Variants in PLEKHG1 observed in about 807,000 individuals in gnomAD.
The protein encoded by PLEKHG1 is pleckstrin homology and RhoGEF domain containing G1, also known as pleckstrin homology domain-containing family G member 1.
A neutral mutation model predicts 100.8 loss-of-function variants in PLEKHG1; 44 were observed. The ratio of observed to expected loss-of-function variants is 0.44; its 90% CI spans 0.34 to 0.56. PLEKHG1 has a LOEUF of 0.56. PLEKHG1 is among the 20% of genes least tolerant of loss of function. PLEKHG1 has a pLI of 0.01. For synonymous variants in PLEKHG1, 640 were observed against 662.5 expected, an observed-to-expected ratio of 0.97 and a Z score of 0.52; for missense variants, 1,545 against 1,720.9, an observed-to-expected ratio of 0.90 and a Z score of 1.81.
intron 10 of PLEKHG1, among the ~76,000 whole-genome samples, chr6:150,813,840 G>C (rs185052346): frequency 6.6e-6 from 1 of 152,124 alleles, no homozygotes; most frequent in African/African-American, 2.4e-5. Flanking sequence ...GAACTAGGGT[G>C]GTGGGTGGAT....
chr6:150,638,842 T>C (rs1442343473), intron 2 of PLEKHG1, among the ~76,000 whole-genome samples: 1 of 152,238 alleles, frequency 6.6e-6, no homozygotes, highest in Non-Finnish European at 1.5e-5. Flanking sequence ...GGAATAGAAT[T>C]ATATAACCTG....
At chr6:150,776,402 CA>C (rs1562508294) in intron 3 of PLEKHG1, among the ~76,000 whole-genome samples, 49 of 149,910 alleles carry the variant, frequency 3.3e-4, no homozygotes, top group African/African-American at 1.1e-3. Flanking sequence ...TGCACATGTG[CA>C]GTTGCACATT....
At chr6:150,705,709 G>A (rs1001594891) in intron 3 of PLEKHG1, among the ~76,000 whole-genome samples, 6 of 152,088 alleles carry the variant, frequency 3.9e-5, no homozygotes, top group African/African-American at 7.2e-5. Flanking sequence ...TTTCTATCCC[G>A]CTCACCCACT....
At chr6:150,813,056 A>C (rs1471663278) in intron 10 of PLEKHG1, among the ~76,000 whole-genome samples, 3 of 152,172 alleles carry the variant, frequency 2.0e-5, no homozygotes, top group African/African-American at 7.2e-5. Flanking sequence ...CTGTAATCCC[A>C]GCACTTTGGG....
At chr6:150,824,751 A>G (rs1776496529) in intron 14 of PLEKHG1, among the ~76,000 whole-genome samples, 1 of 152,114 alleles carries the variant, frequency 6.6e-6, no homozygotes, top group South Asian at 2.1e-4. Context: ...GCCAGTCTGG[A>G]ACTCCAGACC....
Position 150,746,670 on chromosome 6 carries a change from G to C in PLEKHG1, c.411+12578G>C, listed in dbSNP as rs1583046871. On this transcript the variant is annotated intron_variant, in intron 2 of 15. Coordinates refer to ENST00000358517, the Ensembl canonical transcript of PLEKHG1. ...TTACTGAAAGGATTTGCATAATTTG[G>C]TCAAATATTCTTGCATAAACTATAG... 3.3e-5 allele frequency among the ~76,000 whole-genome samples: 5 copies of C among 152,282 alleles called. No homozygotes were observed. In the South Asian group the frequency reaches 1.0e-3, roughly 32 times the overall value.
chr6:150,738,542 G>A (rs887924470), intron 2 of PLEKHG1, among the ~76,000 whole-genome samples: 2 of 152,080 alleles, frequency 1.3e-5, no homozygotes, highest in Non-Finnish European at 2.9e-5. Flanking sequence ...TGGAGACATC[G>A]TATTAAAATA....
chr6:150,635,993 G>T (rs543988482), intron 1 of PLEKHG1, among the ~76,000 whole-genome samples: 1 of 152,174 alleles, frequency 6.6e-6, no homozygotes, highest in South Asian at 2.1e-4. Context: ...TGTATCTTTT[G>T]GGTGTTAACA....
intron 3 of PLEKHG1, among the ~76,000 whole-genome samples, chr6:150,780,702 T>G (rs1470361519): frequency 2.6e-5 from 4 of 152,238 alleles, no homozygotes; most frequent in Non-Finnish European, 5.9e-5. Flanking sequence ...ATAGTAATTC[T>G]CAATTGCTGA....
At chr6:150,838,371 G>A (rs117159558) in intron 15 of PLEKHG1, among the ~76,000 whole-genome samples, 2 of 152,286 alleles carry the variant, frequency 1.3e-5, no homozygotes, top group East Asian at 3.9e-4. Flanking sequence ...ACACAAATCT[G>A]TAAACTTTCT....
At chr6:150,747,295 T>A (rs1320326129) in intron 2 of PLEKHG1, among the ~76,000 whole-genome samples, 2 of 152,240 alleles carry the variant, frequency 1.3e-5, no homozygotes, top group Admixed American at 1.3e-4. Context: ...ACTTGCACCT[T>A]CGAAAACTGA....
intron 3 of PLEKHG1, among the ~76,000 whole-genome samples, chr6:150,676,947 T>C (rs930590143): frequency 6.6e-6 from 1 of 151,774 alleles, no homozygotes; most frequent in Admixed American, 6.6e-5. Flanking sequence ...CCCCATCCAA[T>C]CAATTCTCAA....
rs1185608520 is a variant in PLEKHG1 at position 150,727,547 on chromosome 6, G to A, written c.-98-6037G>A. Among the ~76,000 whole-genome samples, 4 of 151,850 alleles carry A rather than the reference G, an allele frequency of 2.6e-5. No homozygotes were observed. The East Asian group carries it at 7.7e-4, about 29-fold the overall frequency. ...GGATTTGTCATGAAGTAAAAAGTAT[G>A]AAAGTCTAGCTACATAGAAGCTGTC... On this transcript the variant is annotated intron_variant, in intron 1 of 15. Transcript: ENST00000358517.
chr6:150,740,835 G>A (rs713294), intron 2 of PLEKHG1, among the ~76,000 whole-genome samples: 1 of 152,014 alleles, frequency 6.6e-6, no homozygotes, highest in African/African-American at 2.4e-5. Context: ...GGAGACAAAC[G>A]TGTTAGTTTT....
upstream of PLEKHG1, among the ~76,000 whole-genome samples, chr6:150,716,482 C>T (rs532491166): frequency 2.6e-5 from 4 of 152,330 alleles, no homozygotes; most frequent in African/African-American, 9.6e-5. Flanking sequence ...GTCTGCATGC[C>T]TTTGCCCATC....
chr6:150,751,895 A>G (rs115732522), intron 2 of PLEKHG1, among the ~76,000 whole-genome samples: 1,853 of 152,326 alleles, frequency 0.012, 37 homozygotes, highest in African/African-American at 0.043. Context: ...AGTATCTCAA[A>G]TATATTGTAG....
intron 3 of PLEKHG1, among the ~76,000 whole-genome samples, chr6:150,700,927 G>T (rs1780747715): frequency 6.7e-6 from 1 of 149,508 alleles, no homozygotes; most frequent in East Asian, 1.9e-4. Flanking sequence ...TTTGAGGATG[G>T]GGGTTATAGC....
chr6:150,748,228 C>G (rs1019941688), intron 2 of PLEKHG1, among the ~76,000 whole-genome samples: 1 of 152,152 alleles, frequency 6.6e-6, no homozygotes, highest in Non-Finnish European at 1.5e-5. Context: ...TTCCTTCTTA[C>G]GGCTGAGTAA....
intron 3 of PLEKHG1, among the ~76,000 whole-genome samples, chr6:150,697,005 G>A (rs571447301): frequency 1.7e-4 from 26 of 151,862 alleles, no homozygotes; most frequent in Non-Finnish European, 3.2e-4. Context: ...GCTGAGGCAC[G>A]AGAATTGCCT....
Sources: gnomAD v4.1 joint callset for allele counts (sites outside exome capture counted in the v4.1 genomes callset) on GRCh38, gnomAD v4.1.1 for gene constraint, MANE v1.5 for transcripts, NCBI Gene and HGNC (gene_info 2026-07-23, HGNC 2026-07-21) for gene names.